The following CENPM variants were observed in gnomAD, a reference collection of about 807,000 sequenced individuals.
CENPM encodes the protein centromere protein M.
CENPM carries 14 observed loss-of-function variants against 19.6 expected under a neutral mutation model. That is an observed-to-expected ratio of 0.71 (90% confidence interval 0.47 to 1.11). CENPM has a LOEUF of 1.11. Ranked by LOEUF, CENPM falls within the 50% of genes most tolerant of loss-of-function variation. The probability of loss-of-function intolerance (pLI) is 0.00; values close to 1 mark genes in which losing one functional copy is unlikely to be tolerated. For synonymous variants in CENPM, 114 were observed against 101.5 expected (o/e 1.12, Z -0.74); for missense variants, 239 against 228.4 (o/e 1.05, Z -0.30).
At chr22:41,944,812 C>T (rs1193440442) in intron 4 of CENPM, 1 of 1,011,600 alleles carries the variant, frequency 9.9e-7, no homozygotes, top group Non-Finnish European at 1.2e-6. Context: ...TTACCGAAAG[C>T]CACAGGCAAC....
rs1399573773 is a variant in CENPM, at chr22:41,939,878, A to AAGAAAAAG, written c.403-683_403-682insCTTTTTCT. Among the ~76,000 whole-genome samples, 7 of 73,002 alleles carry AAGAAAAAG rather than the reference A, an allele frequency of 9.6e-5. 3 individuals carry two copies. The highest frequency in any genetic ancestry group is 2.0e-4 in the African/African-American group (2 of 9,806). The allele number at this position is 73,002 out of a possible 152,430, so 47.9% of individuals were successfully genotyped here. ...AAAGAAAGAAAGAAAGAAAGAAAGA[A>AAGAAAAAG]AAAGAAAGAAAGAAAGAAAGAAAGA... On this transcript the variant is annotated intron_variant, in intron 5 of 5. Coordinates refer to ENST00000215980, the MANE Select transcript of CENPM (RefSeq NM_024053.5).
rs1364943215 is a variant in CENPM at position 41,947,092 on chromosome 22, A to G, written c.-16T>C. 6.2e-7 allele frequency: 1 copy of G among 1,612,568 alleles called. No homozygotes were observed. The highest frequency in any genetic ancestry group is 8.5e-7 in the Non-Finnish European group (1 of 1,179,702). On this transcript the variant is annotated 5_prime_UTR_variant, in exon 1 of 6. Coordinates refer to ENST00000215980, the MANE Select transcript of CENPM (RefSeq NM_024053.5). The stretch of plus-strand genomic sequence containing the variant: ...ACACCGACATCACAGCCGCAGGACC[A>G]ACCGTTGCTCCTGCGGTGCGCGCCG...
downstream of CENPM, among the ~76,000 whole-genome samples, chr22:41,937,318 T>TA (rs2077687987): frequency 6.6e-6 from 1 of 152,350 alleles, no homozygotes; most frequent in East Asian, 1.9e-4. Context: ...TTTTTGGAGA[T>TA]AGAGTCTCGC....
chr22:41,937,134 C>G (rs1246341944), downstream of CENPM, among the ~76,000 whole-genome samples: 1 of 152,158 alleles, frequency 6.6e-6, no homozygotes, highest in Non-Finnish European at 1.5e-5. Flanking sequence ...CTTCTGATGC[C>G]TCTACAATCT....
At chr22:41,927,206 C>G in the CENPM span, among the ~76,000 whole-genome samples, 2 of 152,182 alleles carry the variant, frequency 1.3e-5, no homozygotes, top group Non-Finnish European at 2.9e-5. Context: ...AGGCGTGAGC[C>G]ACCGCACCCG....
chr22:41,942,806 A>G (rs979161001), intron 5 of CENPM, among the ~76,000 whole-genome samples: 1 of 151,624 alleles, frequency 6.6e-6, no homozygotes, highest in Non-Finnish European at 1.5e-5. Flanking sequence ...GCGGTGGTGC[A>G]TGCTTGTAGT....
chr22:41,943,062 T>C (rs1473350686), intron 5 of CENPM, among the ~76,000 whole-genome samples: 1 of 152,168 alleles, frequency 6.6e-6, no homozygotes, highest in Non-Finnish European at 1.5e-5. Flanking sequence ...CATCCAACCA[T>C]CTACCCACCT....
At chr22:41,933,819 C>T (rs1485207021), downstream of CENPM, among the ~76,000 whole-genome samples, 1 of 152,306 alleles carries the variant, frequency 6.6e-6, no homozygotes, top group East Asian at 1.9e-4. Context: ...GCAGGCCTGG[C>T]CCAGCACCCC....
intron 2 of CENPM, 64 bp from the exon 3 acceptor site, chr22:41,946,069 G>T: frequency 7.2e-7 from 1 of 1,387,858 alleles, no homozygotes; most frequent in Non-Finnish European, 1.0e-6. Context: ...CCGTTTAAAT[G>T]CTGCCCTTCA....
the CENPM span, among the ~76,000 whole-genome samples, chr22:41,933,343 C>G: frequency 6.7e-6 from 1 of 148,628 alleles, no homozygotes; most frequent in Non-Finnish European, 1.5e-5. Flanking sequence ...CGTGTGCGGA[C>G]AGCGGCAGGG....
chr22:41,931,493 AT>A, the CENPM span, among the ~76,000 whole-genome samples: 11,918 of 134,924 alleles, frequency 0.088, 1,586 homozygotes, highest in African/African-American at 0.28. Flanking sequence ...AAAAAAAAAA[AT>A]AATAATAAAA....
At position 41,943,654 on chromosome 22, in the gene CENPM, G is replaced by T; in HGVS notation, c.358C>A (p.Leu120Met). The change falls in exon 5 of 6, where the codon CTG becomes ATG. Residue 120 changes from leucine (L) to methionine (M), a missense_variant. By Grantham distance (15) the Leu-to-Met change is conservative. Coordinates refer to ENST00000215980, the MANE Select transcript of CENPM (RefSeq NM_024053.5). ...CSIHRHTVVK[L>M]AHTYQSPLLY... is the part of the protein sequence containing the mutation. ...AGGGGGCTTTGATAGGTGTGGGCCA[G>T]CTTCACCACGGTGTGCCGGTGAATG... The T allele has an allele frequency of 6.2e-7, 1 of 1,613,876 alleles. No individual in the cohort carries two copies.
In CENPM at chr22:41,945,318, G is replaced by T; in HGVS notation, c.231-14C>A. The T allele has an allele frequency of 6.2e-7, 1 of 1,613,972 alleles. No individual in the cohort carries two copies. Among genetic ancestry groups the T allele is most frequent in the Non-Finnish European group, 8.5e-7 (1 of 1,179,994 alleles). On this transcript the variant is annotated splice_polypyrimidine_tract_variant and intron_variant, in intron 3 of 5. Transcript: ENST00000215980. ...GTGTTCTGGAGACTGGGGTGGCCAG[G>T]CCAGGGTGAGAAAACAAACCAGAGA...
At chr22:41,943,815 T>C in intron 4 of CENPM, 114 bp from the exon 5 acceptor site, 1 of 864,228 alleles carries the variant, frequency 1.2e-6, no homozygotes, top group Non-Finnish European at 1.8e-6. Context: ...TTCTTTCTAG[T>C]CGCGAGGGTG....
At chr22:41,945,011 G>T (rs779225960) in intron 4 of CENPM, 9 of 1,380,616 alleles carry the variant, frequency 6.5e-6, no homozygotes, top group Non-Finnish European at 8.6e-6. Flanking sequence ...GGGGTTTGTT[G>T]TACAGATCAT....
the CENPM span, among the ~76,000 whole-genome samples, chr22:41,928,354 C>T: frequency 2.6e-5 from 4 of 152,148 alleles, no homozygotes; most frequent in Non-Finnish European, 2.9e-5. The surrounding 1 kb of genome is among the most constrained non-coding windows in gnomAD (Gnocchi z 4.0). Context: ...TCTCAGACTG[C>T]GTCTCAGAAA....
chr22:41,944,846 C>A, intron 4 of CENPM: 1 of 1,030,702 alleles, frequency 9.7e-7, no homozygotes, highest in Non-Finnish European at 1.2e-6. Flanking sequence ...CAAGTAATGG[C>A]AGAGTTATCT....
At chr22:41,937,296 T>C (rs527719681), downstream of CENPM, among the ~76,000 whole-genome samples, 2 of 152,334 alleles carry the variant, frequency 1.3e-5, no homozygotes, top group African/African-American at 4.8e-5. Context: ...TGAACTCCGC[T>C]GTGTGATTTC....
At chr22:41,943,797 G>GGAAGT in intron 4 of CENPM, 96 bp from the exon 5 acceptor site, 2 of 1,089,710 alleles carry the variant, frequency 1.8e-6, no homozygotes, top group South Asian at 1.6e-5. Flanking sequence ...CCCACTCTGG[G>GGAAGT]GCTCAGTTTC....
Sources: gnomAD v4.1 joint callset for allele counts (sites outside exome capture counted in the v4.1 genomes callset) on GRCh38, gnomAD v4.1.1 for gene constraint, Gnocchi (gnomAD v3.1) non-coding constraint, MANE v1.5 for transcripts, NCBI Gene and HGNC (gene_info 2026-07-23, HGNC 2026-07-21) for gene names.